Variants in LYRM4 observed in about 807,000 individuals in gnomAD.
LYRM4 encodes the protein LYR motif-containing protein 4.
LYRM4 carries 9 observed loss-of-function variants against 11.7 expected under a neutral mutation model. The ratio of observed to expected loss-of-function variants is 0.77; its 90% confidence interval spans 0.46 to 1.34. The LOEUF is 1.34. LYRM4 is among the 40% of genes most tolerant of loss of function. The pLI is 0.00. For synonymous variants in LYRM4, 42 were observed against 40.4 expected, an observed-to-expected ratio of 1.04 and a Z score of -0.15; for missense variants, 133 against 112.5, an observed-to-expected ratio of 1.18 and a Z score of -0.82.
chr6:5,084,007 C>T, the LYRM4 span, among the ~76,000 whole-genome samples: 1 of 152,130 alleles, frequency 6.6e-6, no homozygotes, highest in East Asian at 1.9e-4. Context: ...CAGTGGGGGG[C>T]GCCTGTAATC....
intron 2 of LYRM4, among the ~76,000 whole-genome samples, chr6:5,211,174 T>C (rs1304043020): frequency 6.6e-6 from 1 of 152,186 alleles, no homozygotes; most frequent in African/African-American, 2.4e-5. Flanking sequence ...CTCAGGCTGT[T>C]GTAAAAGGAT....
intron 2 of LYRM4, among the ~76,000 whole-genome samples, chr6:5,141,984 G>A (rs1230231551): frequency 6.6e-6 from 1 of 152,094 alleles, no homozygotes; most frequent in African/African-American, 2.4e-5. Context: ...CATGATCGCT[G>A]AGGGTCTGTG....
At chr6:5,238,276 T>C (rs1763669031) in intron 1 of LYRM4, among the ~76,000 whole-genome samples, 1 of 152,180 alleles carries the variant, frequency 6.6e-6, no homozygotes, top group African/African-American at 2.4e-5. Context: ...GGTTCTAAAA[T>C]TTCTTACTGA....
chr6:5,140,765 TTA>T (rs1757361993), intron 2 of LYRM4, among the ~76,000 whole-genome samples: 1 of 152,240 alleles, frequency 6.6e-6, no homozygotes, highest in East Asian at 1.9e-4. Flanking sequence ...AAGGTAAACT[TTA>T]TGTTACGTAT....
At chr6:5,055,976 C>CTCTCTCTTTCTTTCA in the LYRM4 span, among the ~76,000 whole-genome samples, 348 of 151,882 alleles carry the variant, frequency 2.3e-3, 1 homozygote, top group African/African-American at 8.1e-3. This position sits in a 1 kb window ranked among gnomAD's most constrained non-coding sequence, Gnocchi z 4.5. Flanking sequence ...TTCTTTCTTT[C>CTCTCTCTTTCTTTCA]TCTCTCTTTC....
intron 2 of LYRM4, among the ~76,000 whole-genome samples, chr6:5,174,790 T>C (rs1759626172): frequency 6.6e-6 from 1 of 152,218 alleles, no homozygotes. Context: ...ACAGATGTTG[T>C]CATGCTTAGG....
At chr6:5,245,105 AAAAAAAAAATATAT>A (rs1764093613) in intron 1 of LYRM4, among the ~76,000 whole-genome samples, 1 of 56,776 alleles carries the variant, frequency 1.8e-5, no homozygotes, top group Non-Finnish European at 3.4e-5. Flanking sequence ...AAAAAAAAAA[AAAAAAAAAATATAT>A]ATATATATAT....
At chr6:5,141,314 T>A (rs973255629) in intron 2 of LYRM4, among the ~76,000 whole-genome samples, 1 of 152,218 alleles carries the variant, frequency 6.6e-6, no homozygotes, top group Non-Finnish European at 1.5e-5. Flanking sequence ...TAACTCGCCC[T>A]CTGTCCTTGG....
At chr6:5,187,934 A>G (rs1264338373) in intron 2 of LYRM4, among the ~76,000 whole-genome samples, 1 of 152,154 alleles carries the variant, frequency 6.6e-6, no homozygotes, top group African/African-American at 2.4e-5. Flanking sequence ...AATGCACGGG[A>G]AATTTCTGGA....
chr6:5,224,573 G>A (rs76973582), intron 1 of LYRM4, among the ~76,000 whole-genome samples: 3,213 of 152,246 alleles, frequency 0.021, 116 homozygotes, highest in African/African-American at 0.074. Flanking sequence ...AATGATGTTC[G>A]TTTTAGATTT....
the LYRM4 span, among the ~76,000 whole-genome samples, chr6:5,041,319 G>C: frequency 0.73 from 111,133 of 152,188 alleles, 41,356 homozygotes; most frequent in East Asian, 0.95. Flanking sequence ...AAATCCTTCT[G>C]TTTCCCAAAA....
At chr6:5,177,488 T>C (rs384574) in intron 2 of LYRM4, among the ~76,000 whole-genome samples, 123,202 of 152,252 alleles carry the variant, frequency 0.81, 50,182 homozygotes, top group African/African-American at 0.91. Flanking sequence ...GCTCTTGGTG[T>C]CAACACAATG....
rs1300918215 is a variant in LYRM4 at position 5,154,821 on chromosome 6, A to AAAAT, written c.208-45334_208-45331dup. Among the ~76,000 whole-genome samples, 4 of 152,310 alleles carry AAAAT rather than the reference A, an allele frequency of 2.6e-5. No individual in the cohort carries two copies. In the South Asian group the frequency reaches 8.3e-4, roughly 32 times the overall value. ...GCGACAGAGCGAGACTCCGTCTCAA[A>AAAAT]AAATAAATGAATAAATAAAAATAAA... On this transcript the variant is annotated intron_variant, in intron 2 of 2. Coordinates refer to ENST00000330636, the MANE Select transcript of LYRM4 (RefSeq NM_020408.6).
At chr6:5,064,294 C>T in the LYRM4 span, among the ~76,000 whole-genome samples, 5 of 152,068 alleles carry the variant, frequency 3.3e-5, no homozygotes, top group Non-Finnish European at 5.9e-5. Context: ...GAACGGCAAA[C>T]GAGACGTGAT....
At chr6:5,254,834 G>A (rs1764593680) in intron 1 of LYRM4, among the ~76,000 whole-genome samples, 1 of 152,066 alleles carries the variant, frequency 6.6e-6, no homozygotes, top group African/African-American at 2.4e-5. Flanking sequence ...TTCACCTCTC[G>A]TGGGGTCCTG....
chr6:5,137,704 A>G (rs1238272303), intron 2 of LYRM4, among the ~76,000 whole-genome samples: 1 of 152,026 alleles, frequency 6.6e-6, no homozygotes, highest in Non-Finnish European at 1.5e-5. Flanking sequence ...ATGTCCTGTG[A>G]CTCTATCTGA....
At chr6:5,040,121 A>G in the LYRM4 span, among the ~76,000 whole-genome samples, 1 of 152,208 alleles carries the variant, frequency 6.6e-6, no homozygotes, top group Admixed American at 6.5e-5. Flanking sequence ...AGCTTTAAAC[A>G]GCCTGGGCAA....
chr6:5,239,786 C>A (rs1763764931), intron 1 of LYRM4, among the ~76,000 whole-genome samples: 1 of 152,118 alleles, frequency 6.6e-6, no homozygotes, highest in Non-Finnish European at 1.5e-5. Flanking sequence ...TCGGCACAGG[C>A]CACATTGGTC....
intron 2 of LYRM4, among the ~76,000 whole-genome samples, chr6:5,120,404 G>A (rs1313368452): frequency 6.6e-6 from 1 of 152,152 alleles, no homozygotes; most frequent in Non-Finnish European, 1.5e-5. Flanking sequence ...CCTTCTGGTG[G>A]GTTCGTGGTC....
Sources: gnomAD v4.1 joint callset for allele counts (sites outside exome capture counted in the v4.1 genomes callset) on GRCh38, gnomAD v4.1.1 for gene constraint, Gnocchi (gnomAD v3.1) non-coding constraint, MANE v1.5 for transcripts, NCBI Gene and HGNC (gene_info 2026-07-23, HGNC 2026-07-21) for gene names.